Variants in CTNND2 observed in about 807,000 individuals in gnomAD.
CTNND2 encodes the protein catenin delta-2.
In CTNND2, 22 loss-of-function variants were observed where a neutral mutation model predicts 144.4. The ratio of observed to expected loss-of-function variants is 0.15; its 90% confidence interval spans 0.11 to 0.22. CTNND2 has a LOEUF of 0.22. Among genes scored for constraint, CTNND2 ranks in the 10% least tolerant of loss-of-function variants. CTNND2 has a pLI of 1.00. For synonymous variants in CTNND2, 751 were observed against 695.6 expected, an observed-to-expected ratio of 1.08 and a Z score of -1.25; for missense variants, 1,353 against 1,618.8, an observed-to-expected ratio of 0.84 and a Z score of 2.82.
intron 1 of CTNND2, among the ~76,000 whole-genome samples, chr5:11,787,696 G>A (rs563666001): frequency 9.0e-6 from 1 of 110,844 alleles, no homozygotes; most frequent in African/African-American, 3.4e-5. Flanking sequence ...AGGAAACTCT[G>A]AATGTGTATG....
At chr5:11,295,105 C>T (rs925191462) in intron 9 of CTNND2, among the ~76,000 whole-genome samples, 25 of 152,098 alleles carry the variant, frequency 1.6e-4, no homozygotes, top group Non-Finnish European at 3.4e-4. Flanking sequence ...CCCAAAATCT[C>T]CTTAAGCTGA....
chr5:11,003,940 C>T, intron 18 of CTNND2, among the ~76,000 whole-genome samples: 1 of 152,118 alleles, frequency 6.6e-6, no homozygotes, highest in Non-Finnish European at 1.5e-5. Context: ...TTGTGCAACA[C>T]CATCTTTTAA....
intron 15 of CTNND2, among the ~76,000 whole-genome samples, chr5:11,096,699 C>T (rs720001): frequency 0.15 from 23,178 of 151,770 alleles, 2,569 homozygotes; most frequent in East Asian, 0.41. Context: ...GTTATTATTA[C>T]ATGATAATGA....
chr5:11,099,389 A>C (rs1487860619), intron 14 of CTNND2, among the ~76,000 whole-genome samples: 1 of 152,230 alleles, frequency 6.6e-6, no homozygotes, highest in Non-Finnish European at 1.5e-5. Flanking sequence ...CTAATGAATA[A>C]TAGGATAATG....
intron 2 of CTNND2, among the ~76,000 whole-genome samples, chr5:11,707,299 G>A (rs1785764402): frequency 6.6e-6 from 1 of 152,140 alleles, no homozygotes; most frequent in African/African-American, 2.4e-5. Context: ...TTGACAAGGT[G>A]TGACTGCAGA....
intron 15 of CTNND2, among the ~76,000 whole-genome samples, chr5:11,094,575 G>A (rs1751142116): frequency 6.6e-6 from 1 of 151,416 alleles, no homozygotes. Context: ...CGCCTCCCAG[G>A]TTCAAGGGAT....
Position 11,436,732 on chromosome 5 carries a change from T to C in CTNND2, c.288-24663A>G, listed in dbSNP as rs1581192791. Among the ~76,000 whole-genome samples, 3 of 152,238 alleles carry C rather than the reference T, an allele frequency of 2.0e-5. No homozygotes were observed. The East Asian group carries it at 5.8e-4, about 29-fold the overall frequency. ...CAAAAATTTCACCCAGGATATTTGC[T>C]GACAGTTTTAAAATGACACAAATGG... On this transcript the variant is annotated intron_variant, in intron 3 of 21. Transcript: ENST00000304623.
chr5:11,324,306 C>T (rs749862468), intron 9 of CTNND2, among the ~76,000 whole-genome samples: 130 of 152,134 alleles, frequency 8.5e-4, no homozygotes, highest in Non-Finnish European at 1.2e-3. Context: ...GGTAATCTTC[C>T]CCATCAGATT....
chr5:10,982,605 T>C (rs1451752028), intron 20 of CTNND2, among the ~76,000 whole-genome samples: 1 of 152,204 alleles, frequency 6.6e-6, no homozygotes, highest in Non-Finnish European at 1.5e-5. Context: ...GTTCAAGAAA[T>C]CTTTGGTAGA....
intron 5 of CTNND2, among the ~76,000 whole-genome samples, chr5:11,409,912 T>G (rs1308807756): frequency 1.3e-5 from 2 of 152,124 alleles, no homozygotes; most frequent in African/African-American, 4.8e-5. Flanking sequence ...TCCCTTCTAT[T>G]TTAATTTGTT....
chr5:11,180,253 T>C (rs1279191558), intron 11 of CTNND2, among the ~76,000 whole-genome samples: 1 of 152,122 alleles, frequency 6.6e-6, no homozygotes, highest in Non-Finnish European at 1.5e-5. Context: ...CCACTATGCT[T>C]CCTTTTGGCC....
At chr5:11,133,922 G>C (rs1312320632) in intron 12 of CTNND2, among the ~76,000 whole-genome samples, 1 of 152,174 alleles carries the variant, frequency 6.6e-6, no homozygotes. Context: ...GAATTCTAAA[G>C]ACATCTCTCC....
chr5:11,199,718 C>T, intron 10 of CTNND2, 57 bp from the exon 11 acceptor site: 3 of 1,289,846 alleles, frequency 2.3e-6, no homozygotes, highest in Non-Finnish European at 3.4e-6. Flanking sequence ...CCTACCTACA[C>T]CAAAACATGT....
chr5:11,635,883 C>A (rs1781669146), intron 2 of CTNND2, among the ~76,000 whole-genome samples: 1 of 152,106 alleles, frequency 6.6e-6, no homozygotes, highest in African/African-American at 2.4e-5. Context: ...TCCACTCCTA[C>A]TCTTTAATGC....
chr5:11,818,618 T>A (rs531628306), intron 1 of CTNND2, among the ~76,000 whole-genome samples: 1 of 152,304 alleles, frequency 6.6e-6, no homozygotes, highest in East Asian at 1.9e-4. Flanking sequence ...TCCACCCACC[T>A]TGGCATCCCA....
At chr5:11,061,298 A>G (rs1267032835) in intron 16 of CTNND2, among the ~76,000 whole-genome samples, 1 of 152,042 alleles carries the variant, frequency 6.6e-6, no homozygotes, top group East Asian at 1.9e-4. Flanking sequence ...CATCTTATCT[A>G]CTGTCTAGTG....
At chr5:11,553,914 T>C (rs1024899754) in intron 3 of CTNND2, among the ~76,000 whole-genome samples, 1 of 152,064 alleles carries the variant, frequency 6.6e-6, no homozygotes, top group Non-Finnish European at 1.5e-5. Context: ...AGATGACATT[T>C]AGGAAAGAAA....
At chr5:11,120,221 C>T (rs183878353) in intron 12 of CTNND2, among the ~76,000 whole-genome samples, 14 of 152,208 alleles carry the variant, frequency 9.2e-5, no homozygotes, top group African/African-American at 3.1e-4. Context: ...CCACACAGCA[C>T]CTATGATATA....
chr5:11,139,452 T>G (rs1189594125), intron 12 of CTNND2, among the ~76,000 whole-genome samples: 1 of 152,246 alleles, frequency 6.6e-6, no homozygotes, highest in Non-Finnish European at 1.5e-5. Flanking sequence ...CCTGTCTTAC[T>G]TGAATCTTTG....
Sources: gnomAD v4.1 joint callset for allele counts (sites outside exome capture counted in the v4.1 genomes callset) on GRCh38, gnomAD v4.1.1 for gene constraint, MANE v1.5 for transcripts, NCBI Gene and HGNC (gene_info 2026-07-23, HGNC 2026-07-21) for gene names.